The following RAI14 variants were observed in gnomAD, a reference collection of about 807,000 sequenced individuals.
RAI14 encodes ankycorbin.
RAI14 carries 45 observed loss-of-function variants against 115.4 expected under a neutral mutation model. The ratio of observed to expected loss-of-function variants is 0.39; its 90% CI spans 0.31 to 0.50. The LOEUF (loss-of-function observed/expected upper bound fraction) is 0.50, where lower values mean the gene tolerates loss of function less well. RAI14 is among the 20% of genes least tolerant of loss of function. The probability of loss-of-function intolerance (pLI) is 0.85; values close to 1 mark genes in which losing one functional copy is unlikely to be tolerated. For synonymous variants in RAI14, 371 were observed against 415.4 expected, an observed-to-expected ratio of 0.89 and a Z score of 1.30; for missense variants, 939 against 1,131.2, an observed-to-expected ratio of 0.83 and a Z score of 2.44.
At chr5:34,807,704 T>A (rs1299424462) in intron 5 of RAI14, 96 bp from the exon 6 acceptor site, 2 of 961,758 alleles carry the variant, frequency 2.1e-6, no homozygotes, top group African/African-American at 1.6e-5. Context: ...ATAGTCTTCC[T>A]AATAAGTCAC....
At chr5:34,809,763 T>C (rs548713811) in intron 7 of RAI14, among the ~76,000 whole-genome samples, 6 of 152,338 alleles carry the variant, frequency 3.9e-5, no homozygotes, top group African/African-American at 1.4e-4. Context: ...GCTTAATTTC[T>C]TGATTTTTAA....
chr5:34,810,197 C>T (rs1272518249), intron 7 of RAI14, among the ~76,000 whole-genome samples: 1 of 152,180 alleles, frequency 6.6e-6, no homozygotes. Context: ...CTATTGAATG[C>T]TTCTACCTTA....
At chr5:34,768,633 C>A (rs1749738519) in intron 3 of RAI14, among the ~76,000 whole-genome samples, 1 of 152,092 alleles carries the variant, frequency 6.6e-6, no homozygotes, top group Non-Finnish European at 1.5e-5. Context: ...GCCCAAGTAC[C>A]ATTTCCAGAC....
At chr5:34,793,905 T>G (rs1471960344) in intron 3 of RAI14, among the ~76,000 whole-genome samples, 1 of 152,202 alleles carries the variant, frequency 6.6e-6, no homozygotes, top group African/African-American at 2.4e-5. Flanking sequence ...AATTCAATAA[T>G]TGAGGAGACT....
chr5:34,717,708 G>C (rs1162339182), intron 2 of RAI14, among the ~76,000 whole-genome samples: 1 of 152,038 alleles, frequency 6.6e-6, no homozygotes, highest in Non-Finnish European at 1.5e-5. Flanking sequence ...GCTGGCTGAG[G>C]GGTGGCTCTG....
At chr5:34,687,452 C>A in intron 2 of RAI14, 1 of 853,474 alleles carries the variant, frequency 1.2e-6, no homozygotes, top group Non-Finnish European at 1.6e-6. Context: ...CCCCGAATTC[C>A]AGGGACTCGT....
chr5:34,803,036 G>A (rs1046891131), intron 4 of RAI14, among the ~76,000 whole-genome samples: 2 of 152,186 alleles, frequency 1.3e-5, no homozygotes, highest in Admixed American at 1.3e-4. Context: ...TCAGCCTGTG[G>A]TGGGCATAGC....
chr5:34,790,979 T>C (rs532343320), intron 3 of RAI14, among the ~76,000 whole-genome samples: 8 of 152,206 alleles, frequency 5.3e-5, no homozygotes, highest in Middle Eastern at 3.4e-3. Flanking sequence ...AGAGTCTGCG[T>C]CAAGTAGAAT....
intron 3 of RAI14, among the ~76,000 whole-genome samples, chr5:34,781,748 C>T (rs971270883): frequency 3.3e-5 from 5 of 152,138 alleles, no homozygotes; most frequent in African/African-American, 7.2e-5. Context: ...GGTATGTACC[C>T]ATTAGTACTG....
intron 3 of RAI14, among the ~76,000 whole-genome samples, chr5:34,762,967 GTGTGTGTGTA>G (rs1165381399): frequency 5.1e-4 from 63 of 123,576 alleles, no homozygotes; most frequent in African/African-American, 2.4e-3. Context: ...GTGTGTGTGT[GTGTGTGTGTA>G]TGTGTCTGTA....
At chr5:34,816,583 GA>G (rs1302128294) in intron 12 of RAI14, among the ~76,000 whole-genome samples, 1 of 152,024 alleles carries the variant, frequency 6.6e-6, no homozygotes, top group Non-Finnish European at 1.5e-5. Context: ...ACTCAAGGGG[GA>G]AATAAAATTT....
intron 2 of RAI14, among the ~76,000 whole-genome samples, chr5:34,749,164 A>C (rs2150068006): frequency 6.6e-6 from 1 of 152,336 alleles, no homozygotes. Flanking sequence ...ATATTGGCAA[A>C]ACAGTCTCCT....
rs542752094 is a variant in RAI14 at position 34,696,727 on chromosome 5, G to A, written c.36+9772G>A. On this transcript the variant is annotated intron_variant, in intron 2 of 17. Coordinates refer to ENST00000265109, the MANE Select transcript of RAI14 (RefSeq NM_015577.3). The stretch of plus-strand genomic sequence containing the variant: ...CTTTTACAGTTTTGACTCTTTTTAC[G>A]CCAGAAGTTAACTATTGATGGCTGC... Among the ~76,000 whole-genome samples the A allele has an allele frequency of 9.2e-5, 14 of 152,262 alleles. No individual in the cohort carries two copies. In the East Asian group the frequency reaches 1.5e-3, roughly 17 times the overall value.
chr5:34,774,990 C>T (rs950034403), intron 3 of RAI14, among the ~76,000 whole-genome samples: 50 of 152,062 alleles, frequency 3.3e-4, no homozygotes, highest in African/African-American at 1.1e-3. Context: ...TCATTTTTGA[C>T]AAAGGTGCCA....
At chr5:34,696,726 C>T (rs574275644) in intron 2 of RAI14, among the ~76,000 whole-genome samples, 24 of 152,340 alleles carry the variant, frequency 1.6e-4, no homozygotes, top group South Asian at 1.0e-3. Flanking sequence ...ACTCTTTTTA[C>T]GCCAGAAGTT....
intron 2 of RAI14, among the ~76,000 whole-genome samples, chr5:34,717,839 T>G (rs1271715483): frequency 1.3e-5 from 2 of 151,110 alleles, no homozygotes; most frequent in Non-Finnish European, 2.9e-5. Flanking sequence ...CAGATCCGGC[T>G]CCTGTTTCTC....
Position 34,823,499 on chromosome 5 carries a change from G to A in RAI14, c.1657G>A (p.Val553Met), listed in dbSNP as rs147963481. 2.4e-3 allele frequency: 3,938 copies of A among 1,614,076 alleles called. 10 individuals carry two copies. Among genetic ancestry groups the A allele is most frequent in the Middle Eastern group, 0.013 (79 of 6,062 alleles). Reference protein sequence around the residue: ...LEESERNKEKVRELEEKLVER... With the variant: ...LEESERNKEKMRELEEKLVER... ...AGAAAGTGAAAGAAATAAAGAGAAA[G>A]TGAGAGAGTTAGAGGAAAAACTGGT... Residue 553 changes from valine (V) to methionine (M), a missense_variant, in exon 15 of 18, where the codon GTG becomes ATG. Transcript: ENST00000265109. This position sits in a 1 kb window ranked among gnomAD's most constrained non-coding sequence, Gnocchi z 4.5.
At chr5:34,800,197 G>A (rs1754097220) in intron 4 of RAI14, among the ~76,000 whole-genome samples, 1 of 152,164 alleles carries the variant, frequency 6.6e-6, no homozygotes, top group African/African-American at 2.4e-5. Flanking sequence ...TGAATACATG[G>A]TCATAGTCTG....
intron 2 of RAI14, among the ~76,000 whole-genome samples, chr5:34,705,845 C>T (rs1216320845): frequency 5.3e-5 from 8 of 152,272 alleles, no homozygotes; most frequent in Non-Finnish European, 2.9e-5. Context: ...TGGGGTTTCT[C>T]CATGTTGGTC....
Sources: gnomAD v4.1 joint callset for allele counts (sites outside exome capture counted in the v4.1 genomes callset) on GRCh38, gnomAD v4.1.1 for gene constraint, Gnocchi (gnomAD v3.1) non-coding constraint, MANE v1.5 for transcripts, NCBI Gene and HGNC (gene_info 2026-07-23, HGNC 2026-07-21) for gene names.